ADCY5: variants seen among roughly 807,000 people sequenced by gnomAD.
ADCY5 encodes the protein adenylate cyclase type 5.
A neutral mutation model predicts 119.7 loss-of-function variants in ADCY5; 30 were observed. That is an observed-to-expected ratio of 0.25 (90% CI 0.19 to 0.34). The LOEUF (loss-of-function observed/expected upper bound fraction) is 0.34, where lower values mean the gene tolerates loss of function less well. Among genes scored for constraint, ADCY5 ranks in the 10% least tolerant of loss-of-function variants. The probability of loss-of-function intolerance (pLI) is 1.00; values close to 1 mark genes in which losing one functional copy is unlikely to be tolerated. For missense variants in ADCY5, 1,324 were observed against 1,775.2 expected (o/e 0.75, Z 4.57); for synonymous variants, 753 against 762.2 (o/e 0.99, Z 0.20).
At chr3:123,342,727 C>T (rs1024083480) in intron 3 of ADCY5, among the ~76,000 whole-genome samples, 2 of 130,202 alleles carry the variant, frequency 1.5e-5, no homozygotes, top group African/African-American at 5.9e-5. Context: ...AACCTCAGGG[C>T]TCCAGCTCAG....
chr3:123,358,529 G>A (rs1943125636), intron 1 of ADCY5, among the ~76,000 whole-genome samples: 1 of 152,192 alleles, frequency 6.6e-6, no homozygotes, highest in African/African-American at 2.4e-5. Flanking sequence ...GAGCCCAGGA[G>A]ATAGAGGCTG....
chr3:123,330,512 G>A (rs1941711843), intron 5 of ADCY5, among the ~76,000 whole-genome samples: 1 of 152,220 alleles, frequency 6.6e-6, no homozygotes. Flanking sequence ...CATCTGGGAA[G>A]AAGTGGAACC....
At position 123,291,362 on chromosome 3, in the gene ADCY5, T is replaced by C. The variant is rs759464268; in HGVS notation, c.3078A>G (p.Lys1026=). Reference sequence around the variant, plus strand: ...AGGCCTGCAGCTCCTCCATCTCCTCTTTCTCCTCTGTGGCCTGAGAGAAAA... The same window carrying C: ...AGGCCTGCAGCTCCTCCATCTCCTCCTTCTCCTCTGTGGCCTGAGAGAAAA... ...FLWKLQATEE[K]EEMEELQAYN... Residue 1026 remains lysine (K), a synonymous_variant, in exon 18 of 21, where the codon AAA becomes AAG. Coordinates refer to ENST00000462833, the MANE Select transcript of ADCY5 (RefSeq NM_183357.3). 2 of 1,612,566 alleles carry C rather than the reference T, an allele frequency of 1.2e-6. No individual in the cohort carries two copies. The highest frequency in any genetic ancestry group is 2.2e-5 in the East Asian group (1 of 44,806).
chr3:123,366,245 G>C (rs868802812), intron 1 of ADCY5, among the ~76,000 whole-genome samples: 36 of 152,340 alleles, frequency 2.4e-4, no homozygotes, highest in African/African-American at 8.4e-4. Flanking sequence ...GTTGTACAAA[G>C]GGGAGGCAGG....
At chr3:123,441,405 C>T (rs1238605220) in intron 1 of ADCY5, among the ~76,000 whole-genome samples, 1 of 152,154 alleles carries the variant, frequency 6.6e-6, no homozygotes, top group African/African-American at 2.4e-5. Context: ...AGGTGGCCAT[C>T]CAGTCTCCAC....
chr3:123,348,071 A>ATGTGTGGGTGTG (rs1942656004), intron 2 of ADCY5, among the ~76,000 whole-genome samples, 168 bp from the exon 3 acceptor site: 1 of 50,238 alleles, frequency 2.0e-5, no homozygotes, highest in Non-Finnish European at 3.8e-5. Context: ...GTGTCTGTGC[A>ATGTGTGGGTGTG]TGTGTGTGTA....
At chr3:123,308,492 G>A (rs1270724817) in intron 12 of ADCY5, among the ~76,000 whole-genome samples, 2 of 152,146 alleles carry the variant, frequency 1.3e-5, no homozygotes, top group Non-Finnish European at 2.9e-5. Flanking sequence ...GAGTTCATCT[G>A]TATGTCAGCC....
chr3:123,426,299 G>GTTTTTTTTT (rs750760543), intron 1 of ADCY5, among the ~76,000 whole-genome samples: 5 of 97,902 alleles, frequency 5.1e-5, no homozygotes, highest in African/African-American at 1.4e-4. Context: ...TTTCTTTTGT[G>GTTTTTTTTT]TTTTTTTTTT....
intron 3 of ADCY5, among the ~76,000 whole-genome samples, chr3:123,333,162 G>A (rs781324469): frequency 2.2e-4 from 33 of 152,136 alleles, no homozygotes; most frequent in African/African-American, 8.0e-4. Context: ...GCCCTTATAA[G>A]AAGAGACAAG....
Position 123,319,353 on chromosome 3 carries a change from CA to C in ADCY5, c.2256+320del, listed in dbSNP as rs34573753. 0.65 allele frequency among the ~76,000 whole-genome samples: 77,310 copies of C among 118,068 alleles called. 23,178 individuals are homozygous for C. The highest frequency in any genetic ancestry group is 0.74 in the Admixed American group (8,799 of 11,820). 77.5% of individuals were successfully genotyped at this position (118,068 alleles called of 152,430 possible). ...TGGCCAACAGAGTGAAACTCCGTCTCAAAAAAAAAAAAAATGAAAAAAGAAA... is the reference window on the plus strand; with the variant it reads ...TGGCCAACAGAGTGAAACTCCGTCTCAAAAAAAAAAAAATGAAAAAAGAAA... On this transcript the variant is annotated intron_variant, in intron 10 of 20. Coordinates refer to ENST00000462833, the MANE Select transcript of ADCY5 (RefSeq NM_183357.3).
rs935430544 is a variant in ADCY5, at chr3:123,283,669, CACATAT to C, written c.*933_*938del. On this transcript the variant is annotated 3_prime_UTR_variant, in exon 21 of 21. Coordinates refer to ENST00000462833, the MANE Select transcript of ADCY5 (RefSeq NM_183357.3). The stretch of plus-strand genomic sequence containing the variant: ...ACCAGTTCCACAGCATGAACACACA[CACATAT>C]ACACCAGTACATACACCGACATACA... 1 of 152,190 alleles carries C rather than the reference CACATAT, an allele frequency of 6.6e-6. No individual in the cohort carries two copies. The highest frequency in any genetic ancestry group is 2.4e-5 in the African/African-American group (1 of 41,436). 9.4% of individuals were successfully genotyped at this position (152,190 alleles called of 1,614,324 possible).
chr3:123,355,205 A>G (rs778686502), intron 1 of ADCY5, among the ~76,000 whole-genome samples: 1 of 152,244 alleles, frequency 6.6e-6, no homozygotes, highest in African/African-American at 2.4e-5. Context: ...ATGTAGAAGA[A>G]CCTCAAAAAA....
intron 20 of ADCY5, 123 bp from the exon 21 acceptor site, chr3:123,284,859 A>C: frequency 7.4e-7 from 1 of 1,351,734 alleles, no homozygotes; most frequent in Non-Finnish European, 1.0e-6. Flanking sequence ...GGAGAGGGGC[A>C]GCTGCCCCAC....
intron 1 of ADCY5, among the ~76,000 whole-genome samples, chr3:123,375,999 A>G (rs1943819762): frequency 6.7e-6 from 1 of 148,274 alleles, no homozygotes; most frequent in Non-Finnish European, 1.5e-5. Context: ...TTTAACCCAA[A>G]AGCTGTTGAG....
intron 12 of ADCY5, among the ~76,000 whole-genome samples, chr3:123,312,207 GGCAGACTATGC>G (rs1450810071): frequency 6.6e-6 from 1 of 152,156 alleles, no homozygotes; most frequent in African/African-American, 2.4e-5. Context: ...CTTAAAAAAT[GGCAGACTATGC>G]GCAGCTTTGA....
intron 1 of ADCY5, among the ~76,000 whole-genome samples, chr3:123,434,375 CA>C (rs1945571434): frequency 6.6e-6 from 1 of 152,146 alleles, no homozygotes; most frequent in Admixed American, 6.5e-5. Context: ...CAGATCCAGT[CA>C]ATCAGGAATC....
At chr3:123,287,723 C>T (rs1305344600) in intron 19 of ADCY5, among the ~76,000 whole-genome samples, 1 of 152,206 alleles carries the variant, frequency 6.6e-6, no homozygotes, top group Non-Finnish European at 1.5e-5. Context: ...TGTGCCATCA[C>T]CAGGCTGGAC....
At chr3:123,300,365 C>T (rs960927639) in intron 14 of ADCY5, 70 bp from the exon 15 acceptor site, 3 of 1,532,964 alleles carry the variant, frequency 2.0e-6, no homozygotes, top group Non-Finnish European at 2.7e-6. Context: ...CCCATGCATC[C>T]TCCAGTCTGA....
intron 3 of ADCY5, among the ~76,000 whole-genome samples, chr3:123,344,757 G>A (rs755109510): frequency 3.9e-5 from 6 of 152,106 alleles, no homozygotes; most frequent in Non-Finnish European, 7.3e-5. Flanking sequence ...CCAAAACAGA[G>A]ACCAGAGCAA....
Sources: gnomAD v4.1 joint callset for allele counts (sites outside exome capture counted in the v4.1 genomes callset) on GRCh38, gnomAD v4.1.1 for gene constraint, MANE v1.5 for transcripts, NCBI Gene and HGNC (gene_info 2026-07-23, HGNC 2026-07-21) for gene names.